The following SEMA5A variants were observed in gnomAD, a reference collection of about 807,000 sequenced individuals.
SEMA5A encodes the protein semaphorin-5A.
SEMA5A carries 55 observed loss-of-function variants against 135.5 expected under a neutral mutation model. The ratio of observed to expected loss-of-function variants is 0.41; its 90% CI spans 0.33 to 0.51. SEMA5A has a LOEUF of 0.51. Ranked by LOEUF, SEMA5A falls within the 20% of genes least tolerant of loss-of-function variation. The probability of loss-of-function intolerance (pLI) is 0.37; values close to 1 mark genes in which losing one functional copy is unlikely to be tolerated. For synonymous variants in SEMA5A, 580 were observed against 546.5 expected (o/e 1.06, Z -0.85); for missense variants, 1,290 against 1,419.9 (o/e 0.91, Z 1.47).
At chr5:9,318,651 TG>T (rs1215106969) in intron 4 of SEMA5A, among the ~76,000 whole-genome samples, 13 of 152,324 alleles carry the variant, frequency 8.5e-5, no homozygotes, top group African/African-American at 2.6e-4. Context: ...GGGGTGTGTC[TG>T]TACATACTTA....
At chr5:9,216,268 T>C (rs1746623187) in intron 8 of SEMA5A, among the ~76,000 whole-genome samples, 1 of 152,186 alleles carries the variant, frequency 6.6e-6, no homozygotes, top group Non-Finnish European at 1.5e-5. Flanking sequence ...AGCATGTTGT[T>C]CGATTTCCAT....
At chr5:9,271,058 C>T (rs930334935) in intron 5 of SEMA5A, among the ~76,000 whole-genome samples, 7 of 152,106 alleles carry the variant, frequency 4.6e-5, no homozygotes, top group Non-Finnish European at 1.0e-4. Context: ...CTCCACATAT[C>T]GGGGAGGGGC....
Position 9,317,566 on chromosome 5 carries a change from A to T in SEMA5A, c.270+806T>A, listed in dbSNP as rs144702898. Reference sequence around the variant, plus strand: ...GCTCTGAAGTTCCCTAAATGTTCACAAGCAGCAGCATTAAAGAGAGAATAA... The same window carrying T: ...GCTCTGAAGTTCCCTAAATGTTCACTAGCAGCAGCATTAAAGAGAGAATAA... On this transcript the variant is annotated intron_variant, in intron 5 of 22. Transcript: ENST00000382496. 6.8e-3 allele frequency among the ~76,000 whole-genome samples: 1,040 copies of T among 152,314 alleles called. 61 individuals carry two copies. The highest frequency in any genetic ancestry group is 0.05 in the Admixed American group (771 of 15,296).
rs368799668 is a variant in SEMA5A at position 9,202,019 on chromosome 5, C to T, written c.868G>A (p.Glu290Lys). 1.2e-5 allele frequency: 20 copies of T among 1,614,010 alleles called. No individual in the cohort carries two copies. Among genetic ancestry groups the T allele is most frequent in the East Asian group, 6.7e-5 (3 of 44,882 alleles). The change falls in exon 9 of 23, where the codon GAA becomes AAA. Residue 290 changes from glutamate to lysine, a missense_variant. Physicochemically the swap from Glu to Lys is moderately conservative, Grantham distance 56. Transcript: ENST00000382496. ...GGCAGGAAGAAAGTACTCTGCAATTCGTTGTAGTAAAAGGGGACTTCCCCA... is the reference window on the plus strand; with the variant it reads ...GGCAGGAAGAAAGTACTCTGCAATTTGTTGTAGTAAAAGGGGACTTCCCCA... ...RPGEVPFYYNELQSTFFLPEL... is the reference protein window; with the variant it reads ...RPGEVPFYYNKLQSTFFLPEL...
At chr5:9,205,322 A>G (rs571316429) in intron 8 of SEMA5A, among the ~76,000 whole-genome samples, 17 of 147,404 alleles carry the variant, frequency 1.2e-4, no homozygotes, top group African/African-American at 4.0e-4. Flanking sequence ...CAGGAATGAC[A>G]CAGAAAGAAG....
intron 5 of SEMA5A, among the ~76,000 whole-genome samples, chr5:9,290,528 G>T (rs1004263363): frequency 6.6e-6 from 1 of 152,092 alleles, no homozygotes; most frequent in Non-Finnish European, 1.5e-5. Context: ...AGCAATTACG[G>T]TCTCATTAAT....
At chr5:9,257,109 C>T (rs1336875183) in intron 5 of SEMA5A, among the ~76,000 whole-genome samples, 1 of 152,140 alleles carries the variant, frequency 6.6e-6, no homozygotes, top group Non-Finnish European at 1.5e-5. Context: ...TTATTCATGG[C>T]ATGGAGGAAT....
At chr5:9,391,701 T>C (rs1228422348) in intron 2 of SEMA5A, among the ~76,000 whole-genome samples, 1 of 152,208 alleles carries the variant, frequency 6.6e-6, no homozygotes, top group Non-Finnish European at 1.5e-5. Flanking sequence ...CTCTCTCACC[T>C]GGATTTAGCA....
At chr5:9,103,881 T>A (rs2150146817) in intron 16 of SEMA5A, among the ~76,000 whole-genome samples, 1 of 152,342 alleles carries the variant, frequency 6.6e-6, no homozygotes, top group East Asian at 1.9e-4. Context: ...TTCGATTAAT[T>A]CCTATGCTCA....
chr5:9,470,592 G>A (rs1371429854), intron 1 of SEMA5A, among the ~76,000 whole-genome samples: 1 of 152,124 alleles, frequency 6.6e-6, no homozygotes, highest in African/African-American at 2.4e-5. Flanking sequence ...CTTCAAAGTT[G>A]GCCATAGTCC....
At chr5:9,498,057 G>T (rs916926014) in intron 1 of SEMA5A, among the ~76,000 whole-genome samples, 1 of 152,164 alleles carries the variant, frequency 6.6e-6, no homozygotes. Flanking sequence ...TAAATTTTCT[G>T]TATACTACGA....
chr5:9,083,562 CA>C (rs2150108471), intron 16 of SEMA5A, among the ~76,000 whole-genome samples: 1 of 150,420 alleles, frequency 6.6e-6, no homozygotes, highest in Non-Finnish European at 1.5e-5. Flanking sequence ...ATCAAAATAT[CA>C]GGTTTTCCAT....
intron 1 of SEMA5A, among the ~76,000 whole-genome samples, chr5:9,447,642 G>A (rs1036730662): frequency 1.1e-4 from 16 of 152,002 alleles, no homozygotes; most frequent in African/African-American, 3.9e-4. Context: ...TGAGTGTGTC[G>A]CACAACCAAA....
At chr5:9,249,905 C>T (rs1243372777) in intron 5 of SEMA5A, among the ~76,000 whole-genome samples, 3 of 152,154 alleles carry the variant, frequency 2.0e-5, no homozygotes, top group African/African-American at 4.8e-5. Flanking sequence ...AACTGGACCC[C>T]AGGGTGGGGA....
chr5:9,098,214 G>A (rs1224820046), intron 16 of SEMA5A, among the ~76,000 whole-genome samples: 1 of 150,948 alleles, frequency 6.6e-6, no homozygotes, highest in Admixed American at 6.6e-5. Context: ...CTGCACTCCA[G>A]GCAACAGAGT....
intron 16 of SEMA5A, among the ~76,000 whole-genome samples, chr5:9,096,617 C>T (rs1283504131): frequency 6.9e-6 from 1 of 145,898 alleles, no homozygotes; most frequent in Non-Finnish European, 1.5e-5. Flanking sequence ...TTTATCCATT[C>T]ATCTATTGAT....
intron 11 of SEMA5A, among the ~76,000 whole-genome samples, chr5:9,174,601 G>T (rs1744105079): frequency 6.6e-6 from 1 of 152,160 alleles, no homozygotes; most frequent in Admixed American, 6.5e-5. Context: ...AATTACAGAG[G>T]TCAAGGCCTA....
intron 1 of SEMA5A, among the ~76,000 whole-genome samples, chr5:9,500,685 C>G (rs1735547629): frequency 6.6e-6 from 1 of 152,160 alleles, no homozygotes; most frequent in Non-Finnish European, 1.5e-5. Context: ...ATAACTATAT[C>G]ACATGCAGTA....
chr5:9,385,157 G>C (rs1383424665), intron 2 of SEMA5A, among the ~76,000 whole-genome samples: 2 of 152,112 alleles, frequency 1.3e-5, no homozygotes, highest in East Asian at 1.9e-4. Context: ...TTATTTTCCA[G>C]ATGTAGGAGG....
Sources: gnomAD v4.1 joint callset for allele counts (sites outside exome capture counted in the v4.1 genomes callset) on GRCh38, gnomAD v4.1.1 for gene constraint, MANE v1.5 for transcripts, NCBI Gene and HGNC (gene_info 2026-07-23, HGNC 2026-07-21) for gene names.